The following KCNK10 variants were observed in gnomAD, a reference collection of about 807,000 sequenced individuals.
KCNK10 encodes the protein potassium channel subfamily K member 10.
A neutral mutation model predicts 47.7 loss-of-function variants in KCNK10; 25 were observed. That is an observed-to-expected ratio of 0.52 (90% CI 0.38 to 0.73). The LOEUF (loss-of-function observed/expected upper bound fraction) is 0.73, where lower values mean the gene tolerates loss of function less well. KCNK10 is among the 30% of genes least tolerant of loss of function. KCNK10 has a pLI of 0.00. For missense variants in KCNK10, 563 were observed against 714.5 expected (o/e 0.79, Z 2.42); for synonymous variants, 303 against 285.6 (o/e 1.06, Z -0.61).
At chr14:88,247,723 T>A (rs1886684592) in intron 2 of KCNK10, among the ~76,000 whole-genome samples, 1 of 152,212 alleles carries the variant, frequency 6.6e-6, no homozygotes, top group Non-Finnish European at 1.5e-5. Flanking sequence ...CTTTCCTTGC[T>A]ACTACAAGTT....
intron 1 of KCNK10, among the ~76,000 whole-genome samples, chr14:88,281,722 CT>C (rs1887652531): frequency 4.6e-5 from 5 of 109,018 alleles, no homozygotes; most frequent in African/African-American, 1.0e-4. Context: ...CTCTCTCTCT[CT>C]CTCCATATAT....
At chr14:88,282,094 T>C (rs1270878045) in intron 1 of KCNK10, among the ~76,000 whole-genome samples, 1 of 152,140 alleles carries the variant, frequency 6.6e-6, no homozygotes, top group Non-Finnish European at 1.5e-5. Context: ...TTGGAGGGCA[T>C]TTAATAAATA....
At chr14:88,246,960 G>C (rs901393687) in intron 2 of KCNK10, among the ~76,000 whole-genome samples, 8 of 152,174 alleles carry the variant, frequency 5.3e-5, no homozygotes, top group African/African-American at 1.9e-4. Flanking sequence ...CTAGAGTACA[G>C]ATTAACTCAG....
At chr14:88,300,543 T>TA (rs958283659) in intron 1 of KCNK10, among the ~76,000 whole-genome samples, 1 of 152,188 alleles carries the variant, frequency 6.6e-6, no homozygotes, top group African/African-American at 2.4e-5. Flanking sequence ...AGAAAACATT[T>TA]AACACTGGGT....
intron 3 of KCNK10, among the ~76,000 whole-genome samples, chr14:88,239,839 A>G (rs1284668914): frequency 1.3e-5 from 2 of 151,786 alleles, no homozygotes; most frequent in African/African-American, 4.8e-5. Flanking sequence ...AGCCTGGGTG[A>G]TAAGAGTGAA....
chr14:88,210,059 A>G (rs1179670489), intron 4 of KCNK10, among the ~76,000 whole-genome samples: 2 of 152,244 alleles, frequency 1.3e-5, no homozygotes, highest in Non-Finnish European at 2.9e-5. Context: ...GTGTTCTACA[A>G]TAATAGTGAA....
intron 4 of KCNK10, among the ~76,000 whole-genome samples, chr14:88,197,397 C>T (rs1274506803): frequency 6.6e-6 from 1 of 151,550 alleles, no homozygotes; most frequent in Non-Finnish European, 1.5e-5. Context: ...CATGGGGAAA[C>T]CCCAACTCTA....
intron 3 of KCNK10, chr14:88,235,125 A>T: frequency 2.2e-6 from 1 of 456,656 alleles, no homozygotes; most frequent in Non-Finnish European, 4.4e-6. Flanking sequence ...GAAATAATAC[A>T]GAAGGACCCT....
intron 1 of KCNK10, among the ~76,000 whole-genome samples, chr14:88,267,383 T>G (rs1887290433): frequency 6.6e-6 from 1 of 151,896 alleles, no homozygotes; most frequent in Non-Finnish European, 1.5e-5. Context: ...TTCTTTTTTT[T>G]TTTTTGAGAC....
chr14:88,227,623 A>T lies in KCNK10; in HGVS notation c.521-88T>A, dbSNP rs938145580. 3 of 1,255,450 alleles carry T rather than the reference A, an allele frequency of 2.4e-6. No homozygotes were observed. In the African/African-American group the frequency reaches 4.5e-5, roughly 19 times the overall value. 77.8% of individuals were successfully genotyped at this position (1,255,450 alleles called of 1,614,324 possible). A position where few individuals can be genotyped will look rare whatever the true frequency, so the allele number is the denominator to read the frequency against. On this transcript the variant is annotated intron_variant, in intron 3 of 6. Transcript: ENST00000319231. ...CACAGACTTTTTTAAAAGTTTGTACATTCCCCCACCTTATGAGCTTCAGGG... is the reference window on the plus strand; with the variant it reads ...CACAGACTTTTTTAAAAGTTTGTACTTTCCCCCACCTTATGAGCTTCAGGG...
intron 4 of KCNK10, among the ~76,000 whole-genome samples, chr14:88,217,007 A>C (rs1048902254): frequency 6.6e-6 from 1 of 152,114 alleles, no homozygotes; most frequent in Non-Finnish European, 1.5e-5. Context: ...ATATACAAAA[A>C]TTAGCCAGGC....
At chr14:88,205,106 C>T (rs1885226671) in intron 4 of KCNK10, among the ~76,000 whole-genome samples, 1 of 152,212 alleles carries the variant, frequency 6.6e-6, no homozygotes, top group Admixed American at 6.5e-5. Context: ...ATAGTTTAGA[C>T]TTTTCTAGAA....
chr14:88,209,192 T>C (rs1352922572), intron 4 of KCNK10, among the ~76,000 whole-genome samples: 1 of 152,222 alleles, frequency 6.6e-6, no homozygotes, highest in African/African-American at 2.4e-5. Flanking sequence ...TTAGTCTTCC[T>C]TTAGGATCTT....
intron 1 of KCNK10, among the ~76,000 whole-genome samples, chr14:88,269,257 G>A (rs1271561639): frequency 6.6e-6 from 1 of 152,186 alleles, no homozygotes; most frequent in African/African-American, 2.4e-5. Flanking sequence ...ACATTATTCA[G>A]GCTTTCTCAA....
rs1303468116 is a variant in KCNK10, at chr14:88,183,308, A to C, written c.*2227T>G. On this transcript the variant is annotated 3_prime_UTR_variant, in exon 7 of 7. Transcript: ENST00000319231. The stretch of plus-strand genomic sequence containing the variant: ...ATCCTGTGCCTGGCCCACAGAAGGC[A>C]CTGGATAAATGAGAGGGAAGCCTCT... 6.6e-6 allele frequency: 1 copy of C among 152,370 alleles called. No individual in the cohort carries two copies. The highest frequency in any genetic ancestry group is 6.5e-5 in the Admixed American group (1 of 15,290). 9.4% of individuals were successfully genotyped at this position (152,370 alleles called of 1,614,324 possible).
At chr14:88,263,596 T>C in intron 1 of KCNK10, 45 bp from the exon 2 acceptor site, 2 of 1,510,568 alleles carry the variant, frequency 1.3e-6, no homozygotes, top group Non-Finnish European at 1.8e-6. Context: ...AGTTTGTTTA[T>C]AAATAAATAC....
rs149941109 is a variant in KCNK10 at position 88,205,635 on chromosome 14, C to T, written c.682-13225G>A. On this transcript the variant is annotated intron_variant, in intron 4 of 6. Coordinates refer to ENST00000319231, the MANE Select transcript of KCNK10 (RefSeq NM_138317.3). ...CCTCGGCTCACTGCAACCTCTGCCTCCCGGGTTCAAGTGATTCTCCTGCCT... is the reference window on the plus strand; with the variant it reads ...CCTCGGCTCACTGCAACCTCTGCCTTCCGGGTTCAAGTGATTCTCCTGCCT... 6.3e-3 allele frequency among the ~76,000 whole-genome samples: 940 copies of T among 149,960 alleles called. 7 individuals carry two copies. The highest frequency in any genetic ancestry group is 0.022 in the African/African-American group (902 of 40,856).
intron 4 of KCNK10, among the ~76,000 whole-genome samples, chr14:88,210,323 T>A (rs968109405): frequency 4.6e-5 from 7 of 152,174 alleles, no homozygotes; most frequent in Non-Finnish European, 7.4e-5. Flanking sequence ...ATGGCTGTTT[T>A]CTCCTTAAGA....
intron 1 of KCNK10, among the ~76,000 whole-genome samples, chr14:88,305,613 G>A (rs1182965440): frequency 6.6e-6 from 1 of 152,110 alleles, no homozygotes; most frequent in Non-Finnish European, 1.5e-5. Flanking sequence ...CTAACTGATT[G>A]GGGCAAAAGG....
Sources: allele counts gnomAD v4.1 joint callset (sites outside exome capture counted in the v4.1 genomes callset), GRCh38; gene constraint gnomAD v4.1.1; transcripts MANE v1.5; gene names NCBI Gene and HGNC (gene_info 2026-07-23, HGNC 2026-07-21).